The following KCNH7 variants were observed in gnomAD, a reference collection of about 807,000 sequenced individuals.
The protein encoded by KCNH7 is potassium voltage-gated channel subfamily H member 7, also known as voltage-gated inwardly rectifying potassium channel KCNH7.
Under a neutral mutation model 120.8 loss-of-function variants are expected in KCNH7, and 49 were observed. That is an observed-to-expected ratio of 0.41 (90% CI 0.32 to 0.51). The LOEUF is 0.51. Among genes scored for constraint, KCNH7 ranks in the 20% least tolerant of loss-of-function variants. KCNH7 has a pLI of 0.38. For synonymous variants in KCNH7, 547 were observed against 516.1 expected, an observed-to-expected ratio of 1.06 and a Z score of -0.81; for missense variants, 1,097 against 1,446.6, an observed-to-expected ratio of 0.76 and a Z score of 3.92.
chr2:162,739,985 C>T (rs1031155114), intron 2 of KCNH7, among the ~76,000 whole-genome samples: 19 of 152,014 alleles, frequency 1.2e-4, no homozygotes. Flanking sequence ...TAAGAGGAGC[C>T]AAGTAGTTCA....
chr2:162,628,989 T>C (rs367642504), intron 2 of KCNH7, among the ~76,000 whole-genome samples: 19 of 152,054 alleles, frequency 1.2e-4, no homozygotes, highest in African/African-American at 4.6e-4. Flanking sequence ...TATGGCAGTA[T>C]AGCATAGAGG....
chr2:162,760,315 A>T (rs1238480428), intron 2 of KCNH7, among the ~76,000 whole-genome samples: 1 of 152,158 alleles, frequency 6.6e-6, no homozygotes, highest in Non-Finnish European at 1.5e-5. Context: ...ATTAGTTGTC[A>T]CAAACCATCA....
intron 2 of KCNH7, among the ~76,000 whole-genome samples, chr2:162,743,372 GAGAA>G (rs1559111307): frequency 6.6e-6 from 1 of 152,012 alleles, no homozygotes; most frequent in Non-Finnish European, 1.5e-5. Context: ...AGGAAAGAAA[GAGAA>G]AGAAAATAAA....
intron 7 of KCNH7, among the ~76,000 whole-genome samples, chr2:162,444,346 G>A (rs1441686494): frequency 6.6e-6 from 1 of 152,078 alleles, no homozygotes; most frequent in Non-Finnish European, 1.5e-5. Context: ...TATTATATTA[G>A]TAATTAAGAG....
intron 2 of KCNH7, among the ~76,000 whole-genome samples, chr2:162,575,246 C>T (rs1207860769): frequency 6.6e-6 from 1 of 152,054 alleles, no homozygotes; most frequent in East Asian, 1.9e-4. Context: ...TTGACCCTGA[C>T]CTTGTAGATC....
At chr2:162,615,215 G>A (rs1047359651) in intron 2 of KCNH7, among the ~76,000 whole-genome samples, 2 of 152,176 alleles carry the variant, frequency 1.3e-5, no homozygotes, top group Admixed American at 6.5e-5. Flanking sequence ...GGAGCCTGTA[G>A]CCAATCACGG....
At chr2:162,496,406 G>A (rs539906168) in intron 6 of KCNH7, among the ~76,000 whole-genome samples, 6 of 152,218 alleles carry the variant, frequency 3.9e-5, no homozygotes, top group African/African-American at 9.6e-5. Flanking sequence ...TGCGCACTGG[G>A]GGGATGGAGG....
At chr2:162,660,301 C>T (rs2105276514) in intron 2 of KCNH7, among the ~76,000 whole-genome samples, 1 of 152,214 alleles carries the variant, frequency 6.6e-6, no homozygotes, top group East Asian at 1.9e-4. Flanking sequence ...CTCTGCATCC[C>T]ACACATTATG....
chr2:162,814,068 C>A (rs905213557), intron 2 of KCNH7, among the ~76,000 whole-genome samples: 15 of 152,114 alleles, frequency 9.9e-5, no homozygotes, highest in Admixed American at 3.9e-4. Flanking sequence ...GCCAAGCGAC[C>A]TTGGGCAATT....
chr2:162,615,355 A>T (rs953445955), intron 2 of KCNH7, among the ~76,000 whole-genome samples: 3 of 152,238 alleles, frequency 2.0e-5, no homozygotes, highest in African/African-American at 7.2e-5. Context: ...AAATATGTCC[A>T]TTGTAAATAA....
chr2:162,761,526 C>T (rs10174014), intron 2 of KCNH7, among the ~76,000 whole-genome samples: 10,663 of 152,120 alleles, frequency 0.07, 852 homozygotes, highest in East Asian at 0.45. Flanking sequence ...ATTACAGCAA[C>T]AACATTCACA....
chr2:162,655,234 A>G (rs1684705618), intron 2 of KCNH7, among the ~76,000 whole-genome samples: 1 of 151,990 alleles, frequency 6.6e-6, no homozygotes, highest in Non-Finnish European at 1.5e-5. Context: ...GTACATAATG[A>G]ATTTATATAA....
intron 2 of KCNH7, among the ~76,000 whole-genome samples, chr2:162,626,169 A>G (rs534064322): frequency 6.6e-6 from 1 of 152,280 alleles, no homozygotes; most frequent in African/African-American, 2.4e-5. Context: ...TGCACTCTCA[A>G]ATACAAAACA....
intron 7 of KCNH7, among the ~76,000 whole-genome samples, chr2:162,440,107 A>G (rs1437842601): frequency 3.3e-5 from 5 of 151,790 alleles, no homozygotes; most frequent in Non-Finnish European, 7.4e-5. Flanking sequence ...AAAAATATTA[A>G]AAAATTTTTG....
At chr2:162,724,570 G>T (rs1687449994) in intron 2 of KCNH7, among the ~76,000 whole-genome samples, 1 of 149,986 alleles carries the variant, frequency 6.7e-6, no homozygotes, top group Non-Finnish European at 1.5e-5. Flanking sequence ...TACTTGGGAG[G>T]CTGAGGCAGG....
chr2:162,660,500 T>C (rs1684921134), intron 2 of KCNH7, among the ~76,000 whole-genome samples: 1 of 152,192 alleles, frequency 6.6e-6, no homozygotes, highest in Non-Finnish European at 1.5e-5. Flanking sequence ...TTATTTTAAA[T>C]GTGAAGGTAT....
chr2:162,417,451 T>C (rs1687574509), intron 9 of KCNH7, among the ~76,000 whole-genome samples: 1 of 152,176 alleles, frequency 6.6e-6, no homozygotes, highest in Admixed American at 6.6e-5. Flanking sequence ...AATTCCACTC[T>C]ACAGTTCTAT....
chr2:162,625,858 G>T (rs996946707), intron 2 of KCNH7, among the ~76,000 whole-genome samples: 4 of 152,112 alleles, frequency 2.6e-5, no homozygotes, highest in Non-Finnish European at 5.9e-5. Flanking sequence ...ACAGAAGAGA[G>T]TCTTTGGTCA....
chr2:162,472,616 T>C (rs1227941559), intron 6 of KCNH7, among the ~76,000 whole-genome samples: 1 of 152,106 alleles, frequency 6.6e-6, no homozygotes, highest in Non-Finnish European at 1.5e-5. Flanking sequence ...TGTGGAGAAA[T>C]AGGAACACTT....
Sources: gnomAD v4.1 joint callset for allele counts (sites outside exome capture counted in the v4.1 genomes callset) on GRCh38, gnomAD v4.1.1 for gene constraint, MANE v1.5 for transcripts, NCBI Gene and HGNC (gene_info 2026-07-23, HGNC 2026-07-21) for gene names.